Variants in SRRM4 observed in about 807,000 individuals in gnomAD.
SRRM4 encodes serine/arginine repetitive matrix protein 4.
Under a neutral mutation model 68.9 loss-of-function variants are expected in SRRM4, and 33 were observed. That is an observed-to-expected ratio of 0.48 (90% CI 0.36 to 0.64). The LOEUF is 0.64. Among genes scored for constraint, SRRM4 ranks in the 30% least tolerant of loss-of-function variants. The pLI, the probability that SRRM4 is intolerant of heterozygous loss-of-function variation, is 0.00. For missense variants in SRRM4, 817 were observed against 827.1 expected (o/e 0.99, Z 0.15); for synonymous variants, 318 against 318.8 (o/e 1.00, Z 0.03).
chr12:119,059,259 TATTCATTC>T (rs139267945), intron 1 of SRRM4, among the ~76,000 whole-genome samples: 14 of 152,064 alleles, frequency 9.2e-5, no homozygotes, highest in South Asian at 4.2e-4. Flanking sequence ...ATGCTGCTTT[TATTCATTC>T]ATTCATTCAT....
chr12:119,084,543 G>T (rs149959460), intron 1 of SRRM4, among the ~76,000 whole-genome samples: 3 of 152,322 alleles, frequency 2.0e-5, no homozygotes, highest in African/African-American at 4.8e-5. Flanking sequence ...GCCATCTGCT[G>T]CCTGCCCCCT....
intron 1 of SRRM4, among the ~76,000 whole-genome samples, chr12:119,028,369 G>C (rs1354502847): frequency 6.6e-6 from 1 of 152,102 alleles, no homozygotes; most frequent in African/African-American, 2.4e-5. Context: ...AGAGGTAATT[G>C]AATCATGGGG....
At chr12:119,026,873 T>C (rs1953552140) in intron 1 of SRRM4, among the ~76,000 whole-genome samples, 1 of 152,160 alleles carries the variant, frequency 6.6e-6, no homozygotes, top group South Asian at 2.1e-4. Context: ...AGGCATAGCA[T>C]TGGAGAACCC....
chr12:119,041,097 T>C lies in SRRM4; in HGVS notation c.131+59084T>C, dbSNP rs188292677. On this transcript the variant is annotated intron_variant, in intron 1 of 12. Coordinates refer to ENST00000267260, the MANE Select transcript of SRRM4 (RefSeq NM_194286.4). ...CGTTATATCCAGGCATCATGTTAAG[T>C]TTCTTACATATATAAGCTTATTTGA... Among the ~76,000 whole-genome samples, 14 of 152,252 alleles carry C rather than the reference T, an allele frequency of 9.2e-5. No individual in the cohort carries two copies. In the East Asian group the frequency reaches 2.3e-3, roughly 25 times the overall value.
chr12:119,134,391 A>G (rs1954315917), intron 8 of SRRM4, among the ~76,000 whole-genome samples: 2 of 151,744 alleles, frequency 1.3e-5, no homozygotes. Context: ...GTAAAAAAAA[A>G]AAAAAAAGAA....
At chr12:119,124,505 C>T (rs1044428895) in intron 6 of SRRM4, among the ~76,000 whole-genome samples, 1 of 152,240 alleles carries the variant, frequency 6.6e-6, no homozygotes, top group African/African-American at 2.4e-5. Context: ...TCATCTCTAA[C>T]TCCCACTGGC....
chr12:119,087,800 T>A (rs1007915443), intron 1 of SRRM4, among the ~76,000 whole-genome samples: 3 of 152,050 alleles, frequency 2.0e-5, no homozygotes, highest in African/African-American at 2.4e-5. Context: ...GTGGGGCCCA[T>A]GCTCAGTCTG....
chr12:119,006,212 G>A (rs1470728812), intron 1 of SRRM4, among the ~76,000 whole-genome samples: 1 of 152,130 alleles, frequency 6.6e-6, no homozygotes, highest in Non-Finnish European at 1.5e-5. Context: ...CAGTTTCCAG[G>A]GAGGATTCTG....
intron 1 of SRRM4, among the ~76,000 whole-genome samples, chr12:119,014,017 T>C (rs1048410835): frequency 3.3e-5 from 5 of 152,142 alleles, no homozygotes; most frequent in African/African-American, 1.2e-4. Context: ...GATCATTACT[T>C]GATAAGTTGG....
chr12:119,033,720 C>T lies in SRRM4; in HGVS notation c.131+51707C>T, dbSNP rs114704315. On this transcript the variant is annotated intron_variant, in intron 1 of 12. Transcript: ENST00000267260. ...GACATGTTTCGTGTTTCTTTCTCCA[C>T]CTTACTGGATTGATTTTTCTTGGTT... Among the ~76,000 whole-genome samples the T allele has an allele frequency of 3.3e-3, 498 of 151,802 alleles. 4 individuals carry two copies. The highest frequency in any genetic ancestry group is 0.012 in the African/African-American group (489 of 41,428).
Position 119,154,248 on chromosome 12 carries a change from G to C in SRRM4, c.1397G>C (p.Arg466Pro). 6.2e-7 allele frequency: 1 copy of C among 1,603,886 alleles called. No homozygotes were observed. The highest frequency in any genetic ancestry group is 8.5e-7 in the Non-Finnish European group (1 of 1,174,622). Residue 466 changes from arginine to proline, a missense_variant, in exon 12 of 13, where the codon CGG (arginine) becomes CCG (proline). Physicochemically the swap from Arg to Pro is moderately radical, Grantham distance 103. Transcript: ENST00000267260. The surrounding 1 kb of genome is among the most constrained non-coding windows in gnomAD (Gnocchi z 4.7). ...AACCCCCCGCGCCCCTTCAGGGAGC[G>C]GGATCCCAAATACAGTGAGAAGGAC... is the stretch of plus-strand genomic sequence containing the variant. The part of the protein sequence containing the change: ...SYSRYSPSRE[R>P]DPKYSEKDSQ...
intron 1 of SRRM4, among the ~76,000 whole-genome samples, chr12:118,989,028 G>A (rs1953299879): frequency 1.3e-5 from 2 of 152,138 alleles, no homozygotes; most frequent in South Asian, 2.1e-4. Flanking sequence ...AGCAGAGTGA[G>A]TGAATGGGAG....
intron 1 of SRRM4, among the ~76,000 whole-genome samples, chr12:119,091,043 CCT>C (rs1954011529): frequency 6.6e-6 from 1 of 152,190 alleles, no homozygotes; most frequent in Admixed American, 6.5e-5. Flanking sequence ...TCTGGTCTGT[CCT>C]CTCTGCAGAT....
At chr12:119,020,897 C>T (rs1156475968) in intron 1 of SRRM4, among the ~76,000 whole-genome samples, 2 of 152,134 alleles carry the variant, frequency 1.3e-5, no homozygotes, top group Non-Finnish European at 1.5e-5. Context: ...GAGAATAGCC[C>T]TAATGGGTAG....
chr12:119,095,600 G>A (rs1045401216), intron 1 of SRRM4, among the ~76,000 whole-genome samples: 10 of 152,136 alleles, frequency 6.6e-5, no homozygotes, highest in South Asian at 2.1e-4. Flanking sequence ...TTGTGGAATG[G>A]AGGCAATAAA....
intron 1 of SRRM4, among the ~76,000 whole-genome samples, chr12:119,048,813 A>G (rs1749365710): frequency 6.6e-6 from 1 of 152,132 alleles, no homozygotes; most frequent in South Asian, 2.1e-4. Flanking sequence ...TAGTCCGAGT[A>G]CTCAGGAGGC....
chr12:118,996,619 G>A (rs1374954864), intron 1 of SRRM4, among the ~76,000 whole-genome samples: 1 of 152,176 alleles, frequency 6.6e-6, no homozygotes, highest in East Asian at 1.9e-4. Context: ...GAAGCTCTGT[G>A]TTAGGCAATT....
Position 119,005,847 on chromosome 12 carries a change from T to A in SRRM4, c.131+23834T>A, listed in dbSNP as rs192353796. Among the ~76,000 whole-genome samples the A allele has an allele frequency of 5.6e-4, 86 of 152,314 alleles. 3 individuals are homozygous for A. The highest frequency in any genetic ancestry group is 2.0e-3 in the African/African-American group (84 of 41,574). ...GGAATACAGTCCCCACATCCATTGA[T>A]GGTTGAATTAGGATTCGGGAGATCT... is the stretch of plus-strand genomic sequence containing the variant. On this transcript the variant is annotated intron_variant, in intron 1 of 12. Transcript: ENST00000267260.
intron 1 of SRRM4, among the ~76,000 whole-genome samples, chr12:119,017,568 T>A (rs1047873144): frequency 6.6e-6 from 1 of 151,218 alleles, no homozygotes; most frequent in African/African-American, 2.4e-5. Context: ...GTGGCAGGAG[T>A]GGGAGCAGGG....
Sources: gnomAD v4.1 joint callset for allele counts (sites outside exome capture counted in the v4.1 genomes callset) on GRCh38, gnomAD v4.1.1 for gene constraint, Gnocchi (gnomAD v3.1) non-coding constraint, MANE v1.5 for transcripts, NCBI Gene and HGNC (gene_info 2026-07-23, HGNC 2026-07-21) for gene names.